The following CTNNA3 variants were observed in gnomAD, a reference collection of about 807,000 sequenced individuals.
The protein encoded by CTNNA3 is catenin alpha 3, also known as catenin alpha-3.
Under a neutral mutation model 95.7 loss-of-function variants are expected in CTNNA3, and 76 were observed. That is an observed-to-expected ratio of 0.79 (90% CI 0.66 to 0.96). The LOEUF is 0.96. Among genes scored for constraint, CTNNA3 ranks in the 40% least tolerant of loss-of-function variants. The probability of loss-of-function intolerance (pLI) is 0.00; values close to 1 mark genes in which losing one functional copy is unlikely to be tolerated. For missense variants in CTNNA3, 1,191 were observed against 1,089.8 expected, an observed-to-expected ratio of 1.09 and a Z score of -1.31; for synonymous variants, 431 against 374.4, an observed-to-expected ratio of 1.15 and a Z score of -1.74.
At chr10:67,480,650 A>G (rs1445319900) in intron 5 of CTNNA3, among the ~76,000 whole-genome samples, 7 of 152,232 alleles carry the variant, frequency 4.6e-5, no homozygotes, top group Admixed American at 4.6e-4. Context: ...GTTTCCTGTA[A>G]GGAATGCTTT....
intron 5 of CTNNA3, among the ~76,000 whole-genome samples, chr10:67,517,714 G>C (rs1469444912): frequency 6.6e-6 from 1 of 152,116 alleles, no homozygotes; most frequent in Non-Finnish European, 1.5e-5. Flanking sequence ...CCCATCAAGA[G>C]ATATCACCTT....
intron 7 of CTNNA3, among the ~76,000 whole-genome samples, chr10:66,826,902 G>T (rs930711667): frequency 6.6e-6 from 1 of 152,166 alleles, no homozygotes; most frequent in African/African-American, 2.4e-5. Flanking sequence ...TCCAATTACT[G>T]TCCCACTCCC....
chr10:66,000,841 A>G (rs2078756761), intron 15 of CTNNA3, among the ~76,000 whole-genome samples: 1 of 152,170 alleles, frequency 6.6e-6, no homozygotes, highest in African/African-American at 2.4e-5. Flanking sequence ...AGCTTGACCA[A>G]GTTTCACAGG....
intron 13 of CTNNA3, among the ~76,000 whole-genome samples, chr10:66,162,178 C>A (rs1345188163): frequency 6.6e-6 from 1 of 151,954 alleles, no homozygotes; most frequent in African/African-American, 2.4e-5. Flanking sequence ...CATTTAATAA[C>A]TAACCTCCTG....
chr10:66,332,376 G>A (rs1325293147), intron 12 of CTNNA3, among the ~76,000 whole-genome samples: 1 of 148,432 alleles, frequency 6.7e-6, no homozygotes, highest in East Asian at 2.0e-4. Flanking sequence ...GATATTGGCT[G>A]TGGGTTTGTC....
At chr10:66,705,655 C>T (rs564365110) in intron 9 of CTNNA3, among the ~76,000 whole-genome samples, 11 of 152,062 alleles carry the variant, frequency 7.2e-5, no homozygotes, top group African/African-American at 2.2e-4. Flanking sequence ...TTGTTTAATA[C>T]TCCATCTTTT....
chr10:66,814,049 T>C (rs1589284625), intron 7 of CTNNA3, among the ~76,000 whole-genome samples: 1 of 151,914 alleles, frequency 6.6e-6, no homozygotes, highest in South Asian at 2.1e-4. Flanking sequence ...ACAAATTAGA[T>C]GGGGAAAATT....
intron 1 of CTNNA3, among the ~76,000 whole-genome samples, chr10:67,676,171 C>T (rs1351039636): frequency 1.3e-5 from 2 of 151,888 alleles, no homozygotes; most frequent in African/African-American, 2.4e-5. Flanking sequence ...TACAGGCTGG[C>T]AAAGAAGAGA....
intron 9 of CTNNA3, among the ~76,000 whole-genome samples, chr10:66,669,418 C>T (rs184811311): frequency 5.9e-5 from 9 of 152,096 alleles, no homozygotes; most frequent in Non-Finnish European, 5.9e-5. Flanking sequence ...TGGCATGTGC[C>T]TGTAGTCCCA....
At chr10:67,543,289 G>A (rs922739798) in intron 3 of CTNNA3, among the ~76,000 whole-genome samples, 1 of 151,904 alleles carries the variant, frequency 6.6e-6, no homozygotes, top group Non-Finnish European at 1.5e-5. Flanking sequence ...ATAAGTGTAA[G>A]AGATGACAAT....
chr10:66,702,277 T>C lies in CTNNA3; in HGVS notation c.1281+63987A>G, dbSNP rs7067729. 4.7e-3 allele frequency among the ~76,000 whole-genome samples: 707 copies of C among 151,968 alleles called. 5 individuals are homozygous for C. The highest frequency in any genetic ancestry group is 0.016 in the African/African-American group (666 of 41,430). On this transcript the variant is annotated intron_variant, in intron 9 of 17. Transcript: ENST00000433211. ...ACCTATGATGCTGTGTTTTGATTAA[T>C]AGGTTACTGTGTGCTGATTTTTTTT...
At chr10:66,165,269 A>C (rs2085066298) in intron 13 of CTNNA3, among the ~76,000 whole-genome samples, 1 of 152,132 alleles carries the variant, frequency 6.6e-6, no homozygotes, top group South Asian at 2.1e-4. Context: ...CCATATATAA[A>C]GATGGCAACA....
intron 7 of CTNNA3, chr10:66,928,137 G>C: frequency 6.2e-7 from 1 of 1,614,084 alleles, no homozygotes; most frequent in Non-Finnish European, 8.5e-7. Flanking sequence ...CCGGCCCAGA[G>C]ACCGATGCTG....
rs78153530 is a variant in CTNNA3, at chr10:66,941,794, C to G, written c.1048-166270G>C. On this transcript the variant is annotated intron_variant, in intron 7 of 17. Transcript: ENST00000433211. Reference sequence around the variant, plus strand: ...CAAATGACATCTTAGAAGACAAAAGCAAAAAATGACAAAAGAGGTTCTTAT... The same window carrying G: ...CAAATGACATCTTAGAAGACAAAAGGAAAAAATGACAAAAGAGGTTCTTAT... Among the ~76,000 whole-genome samples, 82 of 151,998 alleles carry G rather than the reference C, an allele frequency of 5.4e-4. 3 individuals are homozygous for G. In the East Asian group the frequency reaches 0.015, roughly 28 times the overall value.
At chr10:66,604,314 G>C (rs1217447876) in intron 10 of CTNNA3, among the ~76,000 whole-genome samples, 2 of 152,158 alleles carry the variant, frequency 1.3e-5, no homozygotes, top group African/African-American at 4.8e-5. Flanking sequence ...ACCACCACCA[G>C]TGTGACTGCA....
intron 17 of CTNNA3, among the ~76,000 whole-genome samples, chr10:65,935,001 C>A (rs1167753147): frequency 6.6e-6 from 1 of 152,038 alleles, no homozygotes; most frequent in African/African-American, 2.4e-5. Flanking sequence ...AGTAGCAGTG[C>A]CCAGTGTGTC....
intron 9 of CTNNA3, among the ~76,000 whole-genome samples, chr10:66,652,958 AAAAAATTAGATAT>A (rs1194667427): frequency 7.2e-5 from 11 of 152,126 alleles, no homozygotes; most frequent in African/African-American, 2.7e-4. Context: ...AAAAATTATC[AAAAAATTAGATAT>A]ACAAGGAACA....
At chr10:67,728,007 TA>T (rs1841251038) in intron 1 of CTNNA3, among the ~76,000 whole-genome samples, 1 of 140,760 alleles carries the variant, frequency 7.1e-6, no homozygotes, top group Non-Finnish European at 1.5e-5. Context: ...GTATATTATG[TA>T]TTATATATCA....
At chr10:66,532,609 A>G (rs1004566712) in intron 10 of CTNNA3, among the ~76,000 whole-genome samples, 1 of 152,206 alleles carries the variant, frequency 6.6e-6, no homozygotes, top group Admixed American at 6.5e-5. Context: ...TAATTGTCAA[A>G]TGATTTTTGC....
Sources: gnomAD v4.1 joint callset for allele counts (sites outside exome capture counted in the v4.1 genomes callset) on GRCh38, gnomAD v4.1.1 for gene constraint, MANE v1.5 for transcripts, NCBI Gene and HGNC (gene_info 2026-07-23, HGNC 2026-07-21) for gene names.